The following LGALS3BP variants were observed in gnomAD, a reference collection of about 807,000 sequenced individuals.
The protein encoded by LGALS3BP is galectin-3-binding protein.
In LGALS3BP, 25 loss-of-function variants were observed where a neutral mutation model predicts 22.9. The ratio of observed to expected loss-of-function variants is 1.09; its 90% confidence interval spans 0.80 to 1.53. The LOEUF is 1.53. Ranked by LOEUF, LGALS3BP falls within the 40% of genes most tolerant of loss-of-function variation. The probability of loss-of-function intolerance (pLI) is 0.00; values close to 1 mark genes in which losing one functional copy is unlikely to be tolerated. For missense variants in LGALS3BP, 718 were observed against 752.0 expected (o/e 0.95, Z 0.53); for synonymous variants, 335 against 331.1 (o/e 1.01, Z -0.13).
At position 78,976,250 on chromosome 17, in the gene LGALS3BP, T is replaced by C; in HGVS notation, c.53-94A>G. 4 of 1,153,022 alleles carry C rather than the reference T, an allele frequency of 3.5e-6. No individual in the cohort carries two copies. Among genetic ancestry groups the C allele is most frequent in the Non-Finnish European group, 4.8e-6 (4 of 841,500 alleles). 71.4% of individuals were successfully genotyped at this position (1,153,022 alleles called of 1,614,324 possible). On this transcript the variant is annotated intron_variant, in intron 2 of 5. Coordinates refer to ENST00000262776, the MANE Select transcript of LGALS3BP (RefSeq NM_005567.4). This position sits in a 1 kb window ranked among gnomAD's most constrained non-coding sequence, Gnocchi z 4.6. ...ATATGCTGTCCTGGGTCTCCCCTGC[T>C]GAGCTTGTATTTCAGGGCTTCAAGG...
At position 78,975,949 on chromosome 17, in the gene LGALS3BP, G is replaced by A. The variant is rs1191462959; in HGVS notation, c.244+16C>T. 1.3e-6 allele frequency: 2 copies of A among 1,585,808 alleles called. No individual in the cohort carries two copies. The highest frequency in any genetic ancestry group is 1.3e-5 in the African/African-American group (1 of 74,466). ...TGTGGGTCTCAGCCTCAGTGGAAGG[G>A]GACAGCAGGCCCTACCTTGCCCGAA... is the stretch of plus-strand genomic sequence containing the variant. On this transcript the variant is annotated intron_variant, in intron 3 of 5. Transcript: ENST00000262776.
At chr17:78,978,671 G>T (rs2070740376) in intron 1 of LGALS3BP, among the ~76,000 whole-genome samples, 2 of 152,198 alleles carry the variant, frequency 1.3e-5, no homozygotes, top group South Asian at 4.1e-4. Flanking sequence ...AGGCACGCCG[G>T]TATGGGTGGA....
At position 78,972,202 on chromosome 17, in the gene LGALS3BP, G is replaced by A; in HGVS notation, c.1132C>T (p.Leu378=). 1 of 1,614,020 alleles carries A rather than the reference G, an allele frequency of 6.2e-7. No homozygotes were observed. The highest frequency in any genetic ancestry group is 1.1e-5 in the South Asian group (1 of 91,072). Residue 378 remains leucine (L), a synonymous_variant, in exon 6 of 6, where the codon CTG becomes TTG. Coordinates refer to ENST00000262776, the MANE Select transcript of LGALS3BP (RefSeq NM_005567.4). The surrounding 1 kb of genome is among the most constrained non-coding windows in gnomAD (Gnocchi z 5.1). ...SHEALFQKKT[L]QALEFHTVPF... is the part of the protein sequence containing the mutation. ...ACAGTGTGGAATTCCAGGGCCTGCA[G>A]AGTCTTCTTCTGGAACAGGGCCTCG...
Position 78,971,430 on chromosome 17 carries a change from T to C in LGALS3BP, c.*146A>G. The C allele has an allele frequency of 2.8e-6, 2 of 713,518 alleles. No homozygotes were observed. Among genetic ancestry groups the C allele is most frequent in the South Asian group, 1.9e-5 (1 of 51,282 alleles). 44.2% of individuals were successfully genotyped at this position (713,518 alleles called of 1,614,324 possible). On this transcript the variant is annotated 3_prime_UTR_variant, in exon 6 of 6. Coordinates refer to ENST00000262776, the MANE Select transcript of LGALS3BP (RefSeq NM_005567.4). The surrounding 1 kb of genome is among the most constrained non-coding windows in gnomAD (Gnocchi z 5.6). ...CTAGTGGAAGCCTTCCAGTAATTTC[T>C]TGAAGCTGAGCGCTCAGGTGAGTAG... is the stretch of plus-strand genomic sequence containing the variant.
chr17:78,972,575 C>A lies in LGALS3BP; in HGVS notation c.759G>T (p.Gln253His). ...CASLFAILLP[Q>H]DPSFQMPLDL... The stretch of plus-strand genomic sequence containing the variant: ...CCAGGGGCATCTGGAACGAGGGGTC[C>A]TGGGGGAGGAGGATGGCAAAGAGGC... The change falls in exon 6 of 6, where the codon CAG becomes CAT. Residue 253 changes from glutamine (Q) to histidine (H), a missense_variant. Gln to His is a conservative substitution (Grantham distance 24). Coordinates refer to ENST00000262776, the MANE Select transcript of LGALS3BP (RefSeq NM_005567.4). This position sits in a 1 kb window ranked among gnomAD's most constrained non-coding sequence, Gnocchi z 5.1. The A allele has an allele frequency of 6.2e-7, 1 of 1,600,970 alleles. No homozygotes were observed. The highest frequency in any genetic ancestry group is 8.5e-7 in the Non-Finnish European group (1 of 1,171,350).
rs760782474 is a variant in LGALS3BP at position 78,971,546 on chromosome 17, C to T, written c.*30G>A. 2 of 1,591,316 alleles carry T rather than the reference C, an allele frequency of 1.3e-6. No homozygotes were observed. Among genetic ancestry groups the T allele is most frequent in the Non-Finnish European group, 1.7e-6 (2 of 1,166,902 alleles). ...TGCAGTGAGGGCGTCCTGGGGTTCT[C>T]CGGTTCTCACCACCCTTGGGCCACG... On this transcript the variant is annotated 3_prime_UTR_variant, in exon 6 of 6. Coordinates refer to ENST00000262776, the MANE Select transcript of LGALS3BP (RefSeq NM_005567.4). This position sits in a 1 kb window ranked among gnomAD's most constrained non-coding sequence, Gnocchi z 5.6.
intron 1 of LGALS3BP, 90 bp from the exon 2 acceptor site, chr17:78,977,304 A>T (rs2070729717): frequency 9.6e-7 from 1 of 1,038,908 alleles, no homozygotes; most frequent in African/African-American, 1.6e-5. Context: ...CTTCAGCCCA[A>T]CCTGGGCTGT....
Position 78,972,045 on chromosome 17 carries a change from A to G in LGALS3BP, c.1289T>C (p.Leu430Pro). The change falls in exon 6 of 6, where the codon CTG (leucine) becomes CCG (proline). Residue 430 changes from leucine (L) to proline (P), a missense_variant. Coordinates refer to ENST00000262776, the MANE Select transcript of LGALS3BP (RefSeq NM_005567.4). This position sits in a 1 kb window ranked among gnomAD's most constrained non-coding sequence, Gnocchi z 5.1. ...AGGCCCCCGTCTGGACTGATAGACC[A>G]GTTGTGACTTCCGTGCACTCCAGGA... ...DSSWSARKSQ[L>P]VYQSRRGPLV... 5.6e-6 allele frequency: 9 copies of G among 1,614,108 alleles called. No individual in the cohort carries two copies. The highest frequency in any genetic ancestry group is 7.6e-6 in the Non-Finnish European group (9 of 1,180,026).
intron 3 of LGALS3BP, 104 bp downstream of exon 3, chr17:78,975,861 C>A: frequency 2.4e-6 from 1 of 413,304 alleles, no homozygotes; most frequent in South Asian, 3.7e-5. Context: ...ATCCAATTTG[C>A]ATGTCTTTGA....
rs538453569 is a variant in LGALS3BP, at chr17:78,972,702, T to C, written c.632A>G (p.Tyr211Cys). The change falls in exon 6 of 6, where the codon TAC (tyrosine) becomes TGC (cysteine). Residue 211 changes from tyrosine to cysteine, a missense_variant and splice_region_variant. Transcript: ENST00000262776. This position sits in a 1 kb window ranked among gnomAD's most constrained non-coding sequence, Gnocchi z 5.1. ...CVPMVRDLLR[Y>C]FYSRRIDITL... ...GATGTCAATCCTTCGGGAGTAGAAG[T>C]ACCTGGGGAGAAAGAAGGAGAGCAG... 15 of 1,514,814 alleles carry C rather than the reference T, an allele frequency of 9.9e-6. No homozygotes were observed. Among genetic ancestry groups the C allele is most frequent in the Admixed American group, 4.5e-5 (2 of 44,668 alleles). The allele number at this position is 1,514,814 out of a possible 1,614,324, so 93.8% of individuals were successfully genotyped here.
In LGALS3BP at chr17:78,977,985, T is replaced by G. The variant is rs143166401; in HGVS notation, c.-23-771A>C. Among the ~76,000 whole-genome samples the G allele has an allele frequency of 9.4e-4, 143 of 152,314 alleles. 1 individual carries two copies. Among genetic ancestry groups the G allele is most frequent in the African/African-American group, 3.3e-3 (139 of 41,564 alleles). On this transcript the variant is annotated intron_variant, in intron 1 of 5. Transcript: ENST00000262776. The stretch of plus-strand genomic sequence containing the variant: ...CTGGTGTTCTTGCCTCCGTGTAATT[T>G]CCACGCTTTTGTCTTCGTCTGCCTC...
At chr17:78,977,107 C>G in intron 2 of LGALS3BP, 33 bp downstream of exon 2, 1 of 1,612,000 alleles carries the variant, frequency 6.2e-7, no homozygotes, top group Non-Finnish European at 8.5e-7. Context: ...TTCCACACTT[C>G]TGCTTTTGGT....
chr17:78,975,794 A>G (rs1453235850), intron 3 of LGALS3BP, among the ~76,000 whole-genome samples, 171 bp downstream of exon 3: 4 of 69,698 alleles, frequency 5.7e-5, no homozygotes, highest in Non-Finnish European at 9.6e-5. Flanking sequence ...TCCATCTCAA[A>G]AAAAAAAAAA....
At chr17:78,979,130 G>A (rs986777283) in intron 1 of LGALS3BP, among the ~76,000 whole-genome samples, 3 of 152,082 alleles carry the variant, frequency 2.0e-5, no homozygotes, top group African/African-American at 7.2e-5. Flanking sequence ...GTGTGGCAGC[G>A]GCTATTTTTG....
chr17:78,973,032 C>T lies in LGALS3BP; in HGVS notation c.567G>A (p.Pro189=), dbSNP rs201451476. Reference sequence around the variant, plus strand: ...CCACACTCATGGTGACATTGCTGCCCGGCTCCTTCCACAGGGCCTGGGCCT... The same window carrying T: ...CCACACTCATGGTGACATTGCTGCCTGGCTCCTTCCACAGGGCCTGGGCCT... ...NLEAQALWKE[P]GSNVTMSVDA... is the part of the protein sequence containing the mutation. The change falls in exon 5 of 6, where the codon CCG becomes CCA. Residue 189 remains proline (P), a synonymous_variant. Transcript: ENST00000262776. The surrounding 1 kb of genome is among the most constrained non-coding windows in gnomAD (Gnocchi z 5.8). The T allele has an allele frequency of 2.9e-4, 469 of 1,613,886 alleles. No individual in the cohort carries two copies. Among genetic ancestry groups the T allele is most frequent in the Admixed American group, 4.7e-4 (28 of 60,002 alleles).
chr17:78,974,677 C>T lies in LGALS3BP; in HGVS notation c.376+11G>A, dbSNP rs190076297. ...ACTGGGGCCTCCGCAGGGAGGTGCG[C>T]CCCCGCTCACCATTGGTGCAGACCA... On this transcript the variant is annotated intron_variant, in intron 4 of 5. Transcript: ENST00000262776. 1.2e-6 allele frequency: 2 copies of T among 1,611,178 alleles called. No homozygotes were observed. The highest frequency in any genetic ancestry group is 2.7e-5 in the African/African-American group (2 of 74,880).
rs897031578 is a variant in LGALS3BP, at chr17:78,973,495, C to T, written c.377-273G>A. On this transcript the variant is annotated intron_variant, in intron 4 of 5. Transcript: ENST00000262776. This position sits in a 1 kb window ranked among gnomAD's most constrained non-coding sequence, Gnocchi z 5.8. ...GGCCCTCTGCTCTGTGCTGCTCCCCCGACTCAGGCAGCAGCTCCGCATGGA... is the reference window on the plus strand; with the variant it reads ...GGCCCTCTGCTCTGTGCTGCTCCCCTGACTCAGGCAGCAGCTCCGCATGGA... Among the ~76,000 whole-genome samples the T allele has an allele frequency of 2.0e-5, 3 of 152,164 alleles. No homozygotes were observed. Among genetic ancestry groups the T allele is most frequent in the Non-Finnish European group, 2.9e-5 (2 of 68,026 alleles).
chr17:78,975,396 C>G (rs575685788), intron 3 of LGALS3BP, among the ~76,000 whole-genome samples: 99 of 152,224 alleles, frequency 6.5e-4, no homozygotes, highest in Admixed American at 2.2e-3. Flanking sequence ...CCGGAGGGAA[C>G]GAGCCCAGCC....
intron 1 of LGALS3BP, among the ~76,000 whole-genome samples, chr17:78,977,989 C>T (rs2070735237): frequency 6.6e-6 from 1 of 152,178 alleles, no homozygotes; most frequent in Admixed American, 6.5e-5. Context: ...GTAATTTCCA[C>T]GCTTTTGTCT....
Sources: gnomAD v4.1 joint callset for allele counts (sites outside exome capture counted in the v4.1 genomes callset) on GRCh38, gnomAD v4.1.1 for gene constraint, Gnocchi (gnomAD v3.1) non-coding constraint, MANE v1.5 for transcripts, NCBI Gene and HGNC (gene_info 2026-07-23, HGNC 2026-07-21) for gene names.